SH3RF3: variants seen among roughly 807,000 people sequenced by gnomAD.
SH3RF3 encodes E3 ubiquitin-protein ligase SH3RF3.
A neutral mutation model predicts 66.3 loss-of-function variants in SH3RF3; 29 were observed. The observed-to-expected ratio is 0.44, with a 90% confidence interval of 0.33 to 0.60. The LOEUF (loss-of-function observed/expected upper bound fraction) is 0.60, where lower values mean the gene tolerates loss of function less well. Ranked by LOEUF, SH3RF3 falls within the 20% of genes least tolerant of loss-of-function variation. The pLI is 0.04. For synonymous variants in SH3RF3, 583 were observed against 532.0 expected (o/e 1.10, Z -1.32); for missense variants, 1,194 against 1,190.9 (o/e 1.00, Z -0.04).
At chr2:109,486,318 C>A (rs1420518345) in intron 8 of SH3RF3, among the ~76,000 whole-genome samples, 1 of 152,138 alleles carries the variant, frequency 6.6e-6, no homozygotes, top group African/African-American at 2.4e-5. Flanking sequence ...TTTTGTGGAA[C>A]TCCCTGATTG....
At chr2:109,303,396 T>C (rs1421665673) in intron 1 of SH3RF3, among the ~76,000 whole-genome samples, 1 of 152,256 alleles carries the variant, frequency 6.6e-6, no homozygotes, top group African/African-American at 2.4e-5. Flanking sequence ...CAGACTTTTC[T>C]CCTTCGCTCA....
chr2:109,204,873 T>A (rs17035140), intron 1 of SH3RF3, among the ~76,000 whole-genome samples: 105,397 of 152,084 alleles, frequency 0.69, 37,991 homozygotes, highest in Middle Eastern at 0.84. Context: ...TAAAGGCTTT[T>A]TTGTGTTCCA....
At chr2:109,379,545 A>T (rs750475942) in intron 3 of SH3RF3, among the ~76,000 whole-genome samples, 13 of 152,242 alleles carry the variant, frequency 8.5e-5, no homozygotes, top group Non-Finnish European at 1.9e-4. Flanking sequence ...TGAAAGTATG[A>T]AGGAAAAATA....
At chr2:109,376,032 G>A (rs1282277051) in intron 3 of SH3RF3, among the ~76,000 whole-genome samples, 1 of 152,248 alleles carries the variant, frequency 6.6e-6, no homozygotes, top group Non-Finnish European at 1.5e-5. Flanking sequence ...CTAGCCATGG[G>A]GCATAGAGAA....
At chr2:109,399,049 A>T in intron 4 of SH3RF3, 106 bp downstream of exon 4, 1 of 1,273,268 alleles carries the variant, frequency 7.9e-7, no homozygotes, top group Non-Finnish European at 1.1e-6. Flanking sequence ...AGGCCGCCCC[A>T]GAACTGCCTT....
At chr2:109,342,505 G>A (rs371322998) in intron 1 of SH3RF3, among the ~76,000 whole-genome samples, 3 of 152,336 alleles carry the variant, frequency 2.0e-5, no homozygotes, top group African/African-American at 2.4e-5. Context: ...GCCGTGACAA[G>A]TGCTCTCCTT....
chr2:109,197,860 T>C (rs1678545141), intron 1 of SH3RF3, among the ~76,000 whole-genome samples: 1 of 152,226 alleles, frequency 6.6e-6, no homozygotes, highest in Non-Finnish European at 1.5e-5. Context: ...AGCCTTACTT[T>C]TGCTTTTTGC....
intron 8 of SH3RF3, among the ~76,000 whole-genome samples, chr2:109,454,307 C>G (rs1241557648): frequency 6.6e-6 from 1 of 152,216 alleles, no homozygotes; most frequent in South Asian, 2.1e-4. Flanking sequence ...GAAAGCGCCT[C>G]AGCTGGGCAT....
chr2:109,317,012 A>G (rs1011810252), intron 1 of SH3RF3, among the ~76,000 whole-genome samples: 18 of 150,108 alleles, frequency 1.2e-4, no homozygotes, highest in Admixed American at 9.3e-4. Flanking sequence ...ATAACACTCC[A>G]TTGTCTGGGT....
At chr2:109,244,298 C>T (rs1269613450) in intron 1 of SH3RF3, among the ~76,000 whole-genome samples, 1 of 152,106 alleles carries the variant, frequency 6.6e-6, no homozygotes, top group Non-Finnish European at 1.5e-5. Flanking sequence ...CTTCTTCAGG[C>T]AAATGTGCAC....
chr2:109,168,992 GA>G (rs1677693855), intron 1 of SH3RF3, among the ~76,000 whole-genome samples: 1 of 152,194 alleles, frequency 6.6e-6, no homozygotes, highest in Non-Finnish European at 1.5e-5. Flanking sequence ...TGGCCTGGAA[GA>G]AAGGCAGCTC....
chr2:109,222,934 T>TGGG (rs1467855186), intron 1 of SH3RF3, among the ~76,000 whole-genome samples: 3 of 152,244 alleles, frequency 2.0e-5, no homozygotes, highest in Non-Finnish European at 2.9e-5. Context: ...GGGATGGACC[T>TGGG]GCCCCTGCCT....
intron 6 of SH3RF3, 75 bp downstream of exon 6, chr2:109,432,746 G>A (rs978246015): frequency 2.0e-6 from 3 of 1,515,862 alleles, no homozygotes; most frequent in Non-Finnish European, 2.7e-6. Flanking sequence ...TGTTACTGCT[G>A]GAGGCTACTC....
intron 1 of SH3RF3, among the ~76,000 whole-genome samples, chr2:109,166,375 G>A (rs1244907845): frequency 6.6e-6 from 1 of 151,840 alleles, no homozygotes; most frequent in Non-Finnish European, 1.5e-5. Context: ...TACTTGGGAG[G>A]CTGAGGCAGG....
intron 1 of SH3RF3, among the ~76,000 whole-genome samples, chr2:109,159,589 A>G (rs1308306427): frequency 6.6e-6 from 1 of 152,222 alleles, no homozygotes; most frequent in African/African-American, 2.4e-5. Flanking sequence ...AGGGGTACCC[A>G]ATCCCTGGGC....
At chr2:109,491,913 G>A (rs189724252) in intron 9 of SH3RF3, among the ~76,000 whole-genome samples, 2 of 152,180 alleles carry the variant, frequency 1.3e-5, no homozygotes. Context: ...CCTCCCAGAC[G>A]CCATTCCCAG....
At chr2:109,294,722 A>T (rs1181927927) in intron 1 of SH3RF3, among the ~76,000 whole-genome samples, 1 of 152,132 alleles carries the variant, frequency 6.6e-6, no homozygotes, top group African/African-American at 2.4e-5. Context: ...ACACAGCCCT[A>T]CAGGGGAAGC....
chr2:109,289,809 G>A (rs1681119834), intron 1 of SH3RF3, among the ~76,000 whole-genome samples: 1 of 152,108 alleles, frequency 6.6e-6, no homozygotes, highest in Non-Finnish European at 1.5e-5. Context: ...CTTAAAAACT[G>A]GGGAAATCGG....
intron 8 of SH3RF3, among the ~76,000 whole-genome samples, chr2:109,450,215 G>A (rs1158975048): frequency 6.6e-5 from 10 of 152,020 alleles, no homozygotes; most frequent in South Asian, 4.1e-4. Flanking sequence ...GCATGGTGGC[G>A]TGCGCCTGTA....
Sources: gnomAD v4.1 joint callset for allele counts (sites outside exome capture counted in the v4.1 genomes callset) on GRCh38, gnomAD v4.1.1 for gene constraint, MANE v1.5 for transcripts, NCBI Gene and HGNC (gene_info 2026-07-23, HGNC 2026-07-21) for gene names.